The following LAMP3 variants were observed in gnomAD, a reference collection of about 807,000 sequenced individuals.
LAMP3 encodes the protein lysosome associated membrane protein 3.
A neutral mutation model predicts 34.8 loss-of-function variants in LAMP3; 26 were observed. The ratio of observed to expected loss-of-function variants is 0.75; its 90% CI spans 0.55 to 1.04. LAMP3 has a LOEUF of 1.04. Among genes scored for constraint, LAMP3 ranks in the 50% least tolerant of loss-of-function variants. The probability of loss-of-function intolerance (pLI) is 0.00; values close to 1 mark genes in which losing one functional copy is unlikely to be tolerated. For missense variants in LAMP3, 495 were observed against 524.0 expected (o/e 0.94, Z 0.54); for synonymous variants, 180 against 201.9 (o/e 0.89, Z 0.92).
intron 4 of LAMP3, among the ~76,000 whole-genome samples, chr3:183,136,675 T>G (rs1355984608): frequency 2.0e-5 from 1 of 49,696 alleles, no homozygotes; most frequent in Non-Finnish European, 6.1e-5. Context: ...AAAAAACAAC[T>G]CATTAGGAGG....
chr3:183,157,185 C>G (rs930773487), intron 1 of LAMP3, among the ~76,000 whole-genome samples: 1 of 152,076 alleles, frequency 6.6e-6, no homozygotes, highest in African/African-American at 2.4e-5. Context: ...ATAAAAAGAC[C>G]GATGACTATT....
chr3:183,146,275 CA>C (rs1287218277), intron 3 of LAMP3, among the ~76,000 whole-genome samples: 2 of 152,192 alleles, frequency 1.3e-5, no homozygotes, highest in Admixed American at 1.3e-4. Context: ...AGTCCCCACA[CA>C]AAGACTTATC....
intron 5 of LAMP3, among the ~76,000 whole-genome samples, chr3:183,124,432 T>C (rs539814558): frequency 6.6e-6 from 1 of 151,008 alleles, no homozygotes; most frequent in Non-Finnish European, 1.5e-5. Flanking sequence ...GAAGATTAAA[T>C]AACCATATTT....
chr3:183,127,487 T>C (rs1328649723), intron 5 of LAMP3, among the ~76,000 whole-genome samples: 1 of 152,110 alleles, frequency 6.6e-6, no homozygotes, highest in Admixed American at 6.5e-5. Context: ...TTTTTTTTCT[T>C]TTTTAAAAAG....
At chr3:183,149,337 C>G (rs902957358) in intron 3 of LAMP3, among the ~76,000 whole-genome samples, 3 of 151,398 alleles carry the variant, frequency 2.0e-5, no homozygotes, top group Non-Finnish European at 2.9e-5. Context: ...GTCAAGAGAT[C>G]GAGACCATCC....
chr3:183,154,815 G>A (rs1720777928), intron 1 of LAMP3, among the ~76,000 whole-genome samples: 1 of 152,222 alleles, frequency 6.6e-6, no homozygotes, highest in Non-Finnish European at 1.5e-5. Flanking sequence ...GGGGCAGCAT[G>A]AATGATGGTA....
chr3:183,135,251 G>A (rs1471477707), intron 5 of LAMP3, among the ~76,000 whole-genome samples: 2 of 152,076 alleles, frequency 1.3e-5, no homozygotes, highest in African/African-American at 4.8e-5. Context: ...TTGAGATGAG[G>A]GGGTCCAACA....
At chr3:183,151,789 A>C (rs684708) in intron 3 of LAMP3, among the ~76,000 whole-genome samples, 133,011 of 151,664 alleles carry the variant, frequency 0.88, 58,432 homozygotes, top group Middle Eastern at 0.92. Context: ...AATGCTAAAG[A>C]CCAAACAGGT....
chr3:183,155,240 C>G (rs1720789513), intron 1 of LAMP3, among the ~76,000 whole-genome samples: 1 of 152,134 alleles, frequency 6.6e-6, no homozygotes, highest in African/African-American at 2.4e-5. Flanking sequence ...TGAATTACAC[C>G]TACAGATCTT....
chr3:183,147,409 A>T (rs1233141091), intron 3 of LAMP3, among the ~76,000 whole-genome samples: 2 of 151,170 alleles, frequency 1.3e-5, no homozygotes, highest in South Asian at 2.1e-4. Context: ...TAGGGAGATG[A>T]GCACTCTCCT....
rs1334474361 is a variant in LAMP3 at position 183,158,048 on chromosome 3, G to A, written c.50-3657C>T. 2.0e-5 allele frequency: 3 copies of A among 152,396 alleles called. No homozygotes were observed. The East Asian group carries it at 5.8e-4, about 29-fold the overall frequency. The allele number at this position is 152,396 out of a possible 1,614,324, so 9.4% of individuals were successfully genotyped here. ...TCAACCAAAAGTGCCAAGTTCATGG[G>A]TGTTGGAGATTGAACCTGTCAGAGA... On this transcript the variant is annotated intron_variant, in intron 1 of 5. Transcript: ENST00000265598.
At chr3:183,141,700 G>C (rs183228918) in intron 3 of LAMP3, among the ~76,000 whole-genome samples, 1 of 152,286 alleles carries the variant, frequency 6.6e-6, no homozygotes, top group Non-Finnish European at 1.5e-5. Context: ...AACTGTTTTA[G>C]TAAGGTCATT....
At chr3:183,149,317 G>A (rs541776784) in intron 3 of LAMP3, among the ~76,000 whole-genome samples, 40 of 151,640 alleles carry the variant, frequency 2.6e-4, no homozygotes, top group East Asian at 7.8e-4. Flanking sequence ...TCAGGGGGGC[G>A]GATCACGAGG....
chr3:183,132,477 C>G (rs1719954735), intron 5 of LAMP3: 1 of 983,852 alleles, frequency 1.0e-6, no homozygotes, highest in South Asian at 4.7e-5. Flanking sequence ...AAACGTCTTC[C>G]CCACAATTCT....
chr3:183,153,850 A>C lies in LAMP3; in HGVS notation c.591T>G (p.Ala197=), dbSNP rs757737448. 3 of 1,611,046 alleles carry C rather than the reference A, an allele frequency of 1.9e-6. No individual in the cohort carries two copies. In the East Asian group the frequency reaches 6.7e-5, roughly 36 times the overall value. The change falls in exon 2 of 6, where the codon GCT becomes GCG. Residue 197 remains alanine (A), a synonymous_variant. Coordinates refer to ENST00000265598, the MANE Select transcript of LAMP3 (RefSeq NM_014398.4). ...QPTHAPGTTA[A]AHNTTRTAAP... ...CAGCTGTGCGGGTGGTATTGTGGGC[A>C]GCTGCCGTTGTTCCTGGGGCATGGG...
At chr3:183,140,365 C>T (rs762847499) in intron 4 of LAMP3, among the ~76,000 whole-genome samples, 173 bp downstream of exon 4, 2 of 128,074 alleles carry the variant, frequency 1.6e-5, no homozygotes, top group South Asian at 2.6e-4. Flanking sequence ...CGAGCGAGAT[C>T]GTGCCACTAC....
At chr3:183,134,680 G>C (rs515043) in intron 5 of LAMP3, among the ~76,000 whole-genome samples, 110,054 of 152,128 alleles carry the variant, frequency 0.72, 42,315 homozygotes, top group Non-Finnish European at 0.87. Context: ...GCAAGCAATG[G>C]CCAGTCCTTC....
chr3:183,159,224 A>G (rs910176913), intron 1 of LAMP3, among the ~76,000 whole-genome samples: 4 of 152,220 alleles, frequency 2.6e-5, no homozygotes, highest in African/African-American at 9.6e-5. Context: ...CCCAGATACT[A>G]TGAGAGTGTG....
At chr3:183,124,282 G>A (rs903827233) in intron 5 of LAMP3, 68 bp from the exon 6 acceptor site, 37 of 1,364,210 alleles carry the variant, frequency 2.7e-5, no homozygotes, top group Non-Finnish European at 3.5e-5. Context: ...GCAGGCTAGA[G>A]GGGAAAGAAG....
Sources: gnomAD v4.1 joint callset for allele counts (sites outside exome capture counted in the v4.1 genomes callset) on GRCh38, gnomAD v4.1.1 for gene constraint, MANE v1.5 for transcripts, NCBI Gene and HGNC (gene_info 2026-07-23, HGNC 2026-07-21) for gene names.